Variants in MAN2A1 observed in about 807,000 individuals in gnomAD.
The protein encoded by MAN2A1 is mannosidase alpha class 2A member 1.
Under a neutral mutation model 142.6 loss-of-function variants are expected in MAN2A1, and 76 were observed. That is an observed-to-expected ratio of 0.53 (90% CI 0.44 to 0.65). The LOEUF (loss-of-function observed/expected upper bound fraction) is 0.65. Among genes scored for constraint, MAN2A1 ranks in the 30% least tolerant of loss-of-function variants. MAN2A1 has a pLI of 0.00. For missense variants in MAN2A1, 1,311 were observed against 1,365.1 expected (o/e 0.96, Z 0.62); for synonymous variants, 559 against 473.2 (o/e 1.18, Z -2.35).
chr5:109,815,933 GTTATA>G (rs1173656301), intron 12 of MAN2A1, among the ~76,000 whole-genome samples: 1 of 152,178 alleles, frequency 6.6e-6, no homozygotes, highest in Non-Finnish European at 1.5e-5. Flanking sequence ...GAATCAGTGA[GTTATA>G]TTATTAGTCC....
At chr5:109,782,167 T>A (rs1342692339) in intron 9 of MAN2A1, among the ~76,000 whole-genome samples, 1 of 152,166 alleles carries the variant, frequency 6.6e-6, no homozygotes, top group African/African-American at 2.4e-5. Context: ...GAAAAAATGA[T>A]GACTGATGGG....
rs1478578864 is a variant in MAN2A1, at chr5:109,868,893, T to A, written c.*1895T>A. 6.6e-6 allele frequency: 1 copy of A among 152,182 alleles called. No individual in the cohort carries two copies. The highest frequency in any genetic ancestry group is 1.5e-5 in the Non-Finnish European group (1 of 68,032). The allele number at this position is 152,182 out of a possible 1,614,324, so 9.4% of individuals were successfully genotyped here. A position where few individuals can be genotyped will look rare whatever the true frequency, so the allele number is the denominator to read the frequency against. On this transcript the variant is annotated 3_prime_UTR_variant, in exon 22 of 22. Transcript: ENST00000261483. Reference sequence around the variant, plus strand: ...TGTGGGAGTTCAGTTTGTCTGTGGTTAAGTGGGTGTGCTTAATCATTCTCG... The same window carrying A: ...TGTGGGAGTTCAGTTTGTCTGTGGTAAAGTGGGTGTGCTTAATCATTCTCG...
At chr5:109,837,606 G>A (rs927585937) in intron 16 of MAN2A1, among the ~76,000 whole-genome samples, 9 of 152,126 alleles carry the variant, frequency 5.9e-5, no homozygotes, top group Non-Finnish European at 1.2e-4. Context: ...TGTAAAGCTT[G>A]TAGTAAACAT....
At chr5:109,695,330 G>T (rs898978218) in intron 1 of MAN2A1, among the ~76,000 whole-genome samples, 1 of 152,190 alleles carries the variant, frequency 6.6e-6, no homozygotes, top group African/African-American at 2.4e-5. Flanking sequence ...ATTGGAAGGG[G>T]ATTTTCTCTC....
rs561411806 is a variant in MAN2A1, at chr5:109,690,671, C to T, written c.135+119C>T. The T allele has an allele frequency of 9.6e-5, 111 of 1,160,592 alleles. 1 individual carries two copies. In the South Asian group the frequency reaches 1.4e-3, roughly 15 times the overall value. The allele number at this position is 1,160,592 out of a possible 1,614,324, so 71.9% of individuals were successfully genotyped here. ...GCCCCACACCCGTGCTGGGCGAGGC[C>T]AGGGGCTCTGTAGCTCTCGGACGGC... On this transcript the variant is annotated intron_variant, in intron 1 of 21. Coordinates refer to ENST00000261483, the MANE Select transcript of MAN2A1 (RefSeq NM_002372.4).
chr5:109,779,409 A>G (rs553596300), intron 8 of MAN2A1, among the ~76,000 whole-genome samples: 1 of 152,316 alleles, frequency 6.6e-6, no homozygotes, highest in East Asian at 1.9e-4. Flanking sequence ...ATGTTTGAGG[A>G]AAGTGAGACT....
intron 3 of MAN2A1, among the ~76,000 whole-genome samples, chr5:109,726,066 G>A (rs1751735811): frequency 6.6e-6 from 1 of 152,098 alleles, no homozygotes; most frequent in South Asian, 2.1e-4. Context: ...AGAATAAATT[G>A]AAAGGTATTC....
intron 16 of MAN2A1, among the ~76,000 whole-genome samples, chr5:109,833,418 G>C (rs62378792): frequency 1.3e-5 from 2 of 152,100 alleles, no homozygotes; most frequent in African/African-American, 4.8e-5. Flanking sequence ...CTGCAATCCC[G>C]GCACCTCAGG....
rs780551019 is a variant in MAN2A1, at chr5:109,781,450, A to T, written c.1429A>T (p.Thr477Ser). The change falls in exon 9 of 22, where the codon ACT becomes TCT. Residue 477 changes from threonine (T) to serine (S), a missense_variant. Thr to Ser is a moderately conservative substitution (Grantham distance 58). Transcript: ENST00000261483. ...TGATGCGCTGGATAAAGCAGATGAA[A>T]CTCAGAGAGACAAGGGCCAATCGAT... The part of the protein sequence containing the change: ...FFDALDKADE[T>S]QRDKGQSMFP... 7 of 1,612,820 alleles carry T rather than the reference A, an allele frequency of 4.3e-6. No homozygotes were observed. Among genetic ancestry groups the T allele is most frequent in the Non-Finnish European group, 5.9e-6 (7 of 1,179,692 alleles).
chr5:109,713,461 A>G, intron 1 of MAN2A1, 59 bp from the exon 2 acceptor site: 2 of 1,418,628 alleles, frequency 1.4e-6, no homozygotes, highest in South Asian at 1.5e-5. Context: ...AAAAATGTGT[A>G]TGCCTCAGCA....
chr5:109,707,135 G>A (rs1358809296), intron 1 of MAN2A1, among the ~76,000 whole-genome samples: 7 of 152,126 alleles, frequency 4.6e-5, no homozygotes, highest in Non-Finnish European at 1.0e-4. Context: ...ACCAGGTCAT[G>A]GTTGTCATCC....
chr5:109,838,967 A>G (rs1755126891), intron 16 of MAN2A1, among the ~76,000 whole-genome samples: 1 of 152,180 alleles, frequency 6.6e-6, no homozygotes, highest in South Asian at 2.1e-4. Flanking sequence ...TGCTTTCTGG[A>G]GATACATGAA....
intron 1 of MAN2A1, among the ~76,000 whole-genome samples, chr5:109,694,363 TA>T (rs1750753415): frequency 6.6e-6 from 1 of 150,680 alleles, no homozygotes; most frequent in Non-Finnish European, 1.5e-5. Context: ...TTCTTTGGGA[TA>T]GGGTTTTGCT....
At chr5:109,807,084 A>G (rs1257196630) in intron 12 of MAN2A1, among the ~76,000 whole-genome samples, 4 of 152,134 alleles carry the variant, frequency 2.6e-5, no homozygotes, top group African/African-American at 9.7e-5. Context: ...TTACTTAACC[A>G]GCTAGTAGCT....
intron 15 of MAN2A1, among the ~76,000 whole-genome samples, chr5:109,822,021 C>T (rs1488037513): frequency 2.6e-5 from 4 of 151,854 alleles, no homozygotes. Context: ...GACCTATCTC[C>T]TGAAAAAGTT....
intron 12 of MAN2A1, among the ~76,000 whole-genome samples, chr5:109,798,761 A>G (rs1753933184): frequency 6.6e-6 from 1 of 152,130 alleles, no homozygotes; most frequent in African/African-American, 2.4e-5. Flanking sequence ...GGCTTACTGC[A>G]AGCTCCGCCT....
At chr5:109,730,937 A>G (rs896987006) in intron 4 of MAN2A1, among the ~76,000 whole-genome samples, 4 of 152,260 alleles carry the variant, frequency 2.6e-5, no homozygotes, top group African/African-American at 7.2e-5. Context: ...AATCTTTATT[A>G]TATTTAAATA....
intron 4 of MAN2A1, among the ~76,000 whole-genome samples, chr5:109,747,146 C>T (rs1008641434): frequency 6.6e-6 from 1 of 152,036 alleles, no homozygotes; most frequent in Non-Finnish European, 1.5e-5. Flanking sequence ...CTGTCCAGGT[C>T]CCTTCTTTCC....
chr5:109,729,020 A>G (rs1313230396), intron 3 of MAN2A1, among the ~76,000 whole-genome samples: 1 of 129,290 alleles, frequency 7.7e-6, no homozygotes, highest in Admixed American at 7.6e-5. Flanking sequence ...AAAATTCCTT[A>G]GAGATAAAAA....
Sources: allele counts gnomAD v4.1 joint callset (sites outside exome capture counted in the v4.1 genomes callset), GRCh38; gene constraint gnomAD v4.1.1; transcripts MANE v1.5; gene names NCBI Gene and HGNC (gene_info 2026-07-23, HGNC 2026-07-21).